Variants in RPTOR observed in about 807,000 individuals in gnomAD.
RPTOR encodes the protein regulatory-associated protein of mTOR.
RPTOR carries 21 observed loss-of-function variants against 169.9 expected under a neutral mutation model. The ratio of observed to expected loss-of-function variants is 0.12; its 90% CI spans 0.09 to 0.18. RPTOR has a LOEUF of 0.18. Ranked by LOEUF, RPTOR falls within the 10% of genes least tolerant of loss-of-function variation. The pLI, the probability that RPTOR is intolerant of heterozygous loss-of-function variation, is 1.00. For synonymous variants in RPTOR, 732 were observed against 753.2 expected, an observed-to-expected ratio of 0.97 and a Z score of 0.46; for missense variants, 1,133 against 1,855.9, an observed-to-expected ratio of 0.61 and a Z score of 7.16.
chr17:80,772,562 GC>G (rs1195113131), intron 6 of RPTOR, among the ~76,000 whole-genome samples: 1 of 17,532 alleles, frequency 5.7e-5, no homozygotes, highest in East Asian at 2.3e-3. Flanking sequence ...TACCCTCCCC[GC>G]CCTTGTCTGG....
intron 1 of RPTOR, among the ~76,000 whole-genome samples, chr17:80,567,216 C>G (rs2064853082): frequency 2.0e-5 from 3 of 152,036 alleles, no homozygotes; most frequent in Non-Finnish European, 4.4e-5. Context: ...AGTGATCCAC[C>G]TGCCTCAGCC....
At chr17:80,636,909 C>T (rs993536836) in intron 2 of RPTOR, among the ~76,000 whole-genome samples, 3 of 152,204 alleles carry the variant, frequency 2.0e-5, no homozygotes, top group African/African-American at 4.8e-5. Context: ...GCCCCACTGC[C>T]GGGCATGTAG....
chr17:80,836,080 A>G (rs2138117), intron 9 of RPTOR, among the ~76,000 whole-genome samples: 74,710 of 151,628 alleles, frequency 0.49, 20,634 homozygotes, highest in Non-Finnish European at 0.61. Flanking sequence ...CCACGCGCCC[A>G]GAGCCCCAGA....
At chr17:80,744,951 AGAGCC>A (rs2066556034) in intron 5 of RPTOR, among the ~76,000 whole-genome samples, 6 of 142,070 alleles carry the variant, frequency 4.2e-5, no homozygotes, top group African/African-American at 1.5e-4. Context: ...GGTTACTAGC[AGAGCC>A]CTGGCTTCTA....
chr17:80,654,879 G>A (rs1411607938), intron 3 of RPTOR, among the ~76,000 whole-genome samples: 1 of 152,188 alleles, frequency 6.6e-6, no homozygotes, highest in Non-Finnish European at 1.5e-5. Flanking sequence ...TGTATGCGAT[G>A]CATAATTTTC....
At chr17:80,811,726 C>CAGCCA (rs1344409932) in intron 7 of RPTOR, among the ~76,000 whole-genome samples, 1 of 114,052 alleles carries the variant, frequency 8.8e-6, no homozygotes, top group Non-Finnish European at 2.0e-5. Context: ...CCAAGGGACA[C>CAGCCA]CGCCTCTCTC....
At chr17:80,743,737 C>G (rs12941665) in intron 5 of RPTOR, among the ~76,000 whole-genome samples, 3 of 65,256 alleles carry the variant, frequency 4.6e-5, no homozygotes, top group Non-Finnish European at 1.1e-4. Context: ...ACAGCCCTGG[C>G]TACTAGCAGA....
In RPTOR at chr17:80,908,938, C is replaced by T. The variant is rs764082804; in HGVS notation, c.2520+9C>T. 8 of 1,593,822 alleles carry T rather than the reference C, an allele frequency of 5.0e-6. No individual in the cohort carries two copies. The East Asian group carries it at 6.7e-5, about 13-fold the overall frequency. ...ACAGCATCGCCTACAAGGTACGTGC[C>T]GGGCGCTCCCCACCGCGCTCCAGCT... On this transcript the variant is annotated intron_variant, in intron 21 of 33. Coordinates refer to ENST00000306801, the MANE Select transcript of RPTOR (RefSeq NM_020761.3).
intron 10 of RPTOR, among the ~76,000 whole-genome samples, chr17:80,840,139 C>T (rs1293862656): frequency 2.0e-5 from 3 of 152,190 alleles, no homozygotes; most frequent in Non-Finnish European, 4.4e-5. Flanking sequence ...GCCCCATGAG[C>T]CCCCTCGGCG....
At chr17:80,817,282 C>T (rs1359692250) in intron 7 of RPTOR, among the ~76,000 whole-genome samples, 1 of 152,128 alleles carries the variant, frequency 6.6e-6, no homozygotes, top group Non-Finnish European at 1.5e-5. Context: ...AAGTTTAGGC[C>T]TGGAAGTGAA....
rs548067095 is a variant in RPTOR, at chr17:80,965,717, C to G, written c.*1387C>G. On this transcript the variant is annotated 3_prime_UTR_variant, in exon 34 of 34. Transcript: ENST00000306801. ...ATCTTCTGGGTGGATGGAACCCTGC[C>G]TGGTCACATTTGGCCAGAGACACAC... is the stretch of plus-strand genomic sequence containing the variant. The G allele has an allele frequency of 1.9e-3, 446 of 233,364 alleles. 3 individuals carry two copies. Among genetic ancestry groups the G allele is most frequent in the African/African-American group, 9.4e-3 (427 of 45,462 alleles). The allele number at this position is 233,364 out of a possible 1,614,324, so 14.5% of individuals were successfully genotyped here.
intron 24 of RPTOR, among the ~76,000 whole-genome samples, chr17:80,930,395 T>TCCCA (rs2068876166): frequency 6.8e-4 from 3 of 4,444 alleles, no homozygotes; most frequent in African/African-American, 1.7e-3. Context: ...GCTCAGCTCA[T>TCCCA]TCTCAGCTCA....
At chr17:80,856,655 C>T (rs1354890874) in intron 12 of RPTOR, among the ~76,000 whole-genome samples, 3 of 152,164 alleles carry the variant, frequency 2.0e-5, no homozygotes, top group South Asian at 2.1e-4. Flanking sequence ...TGGCGTGACT[C>T]GGTCACTTGG....
At chr17:80,790,912 G>C in intron 6 of RPTOR, among the ~76,000 whole-genome samples, 1 of 152,294 alleles carries the variant, frequency 6.6e-6, no homozygotes, top group Non-Finnish European at 1.5e-5. Context: ...TTGGCGCCAC[G>C]TTAGAGAAAG....
Position 80,925,347 on chromosome 17 carries a change from AC to A in RPTOR, c.2809-20del, listed in dbSNP as rs776660940. 10 of 1,603,926 alleles carry A rather than the reference AC, an allele frequency of 6.2e-6. No individual in the cohort carries two copies. In the South Asian group the frequency reaches 1.1e-4, roughly 18 times the overall value. Reference sequence around the variant, plus strand: ...TGACTGGTGTTTCTTTTTCCTTCCAACCCTCCTGCTTAAACCCTGAAGACTG... The same window carrying A: ...TGACTGGTGTTTCTTTTTCCTTCCAACCTCCTGCTTAAACCCTGAAGACTG... On this transcript the variant is annotated intron_variant, in intron 23 of 33. Transcript: ENST00000306801.
chr17:80,578,596 C>T (rs556103543), intron 1 of RPTOR, among the ~76,000 whole-genome samples: 2 of 152,214 alleles, frequency 1.3e-5, no homozygotes, highest in African/African-American at 2.4e-5. Context: ...CTCAACCAAG[C>T]GGATTTAGGT....
At chr17:80,548,444 T>C (rs1161733997) in intron 1 of RPTOR, among the ~76,000 whole-genome samples, 3 of 131,482 alleles carry the variant, frequency 2.3e-5, no homozygotes, top group Non-Finnish European at 4.7e-5. Context: ...TGCAGTGGTG[T>C]GGTCTTGACT....
chr17:80,891,794 AGAAGAG>A lies in RPTOR; in HGVS notation c.2062_2067del (p.Glu688_Glu689del). 1 of 1,614,140 alleles carries A rather than the reference AGAAGAG, an allele frequency of 6.2e-7. No individual in the cohort carries two copies. Among genetic ancestry groups the A allele is most frequent in the Non-Finnish European group, 8.5e-7 (1 of 1,180,010 alleles). On this transcript the variant is annotated inframe_deletion, in exon 18 of 34. Coordinates refer to ENST00000306801, the MANE Select transcript of RPTOR (RefSeq NM_020761.3). ...TCTGCACCGTGGCCCTGCAGTTCAT[AGAAGAG>A]GAAAAGAACTACGCCTTGCCTTCTC...
intron 1 of RPTOR, among the ~76,000 whole-genome samples, chr17:80,621,638 G>A (rs540579879): frequency 6.6e-6 from 1 of 152,306 alleles, no homozygotes; most frequent in Admixed American, 6.5e-5. Flanking sequence ...GGAGGGGAAC[G>A]CCACCACCTA....
Sources: allele counts gnomAD v4.1 joint callset (sites outside exome capture counted in the v4.1 genomes callset), GRCh38; gene constraint gnomAD v4.1.1; transcripts MANE v1.5; gene names NCBI Gene and HGNC (gene_info 2026-07-23, HGNC 2026-07-21).